The following LRRC4C variants were observed in gnomAD, a reference collection of about 807,000 sequenced individuals.
The protein encoded by LRRC4C is leucine rich repeat containing 4C, also known as leucine-rich repeat-containing protein 4C.
In LRRC4C, 5 loss-of-function variants were observed where a neutral mutation model predicts 33.6. The observed-to-expected ratio is 0.15, with a 90% CI of 0.08 to 0.31. The LOEUF is 0.31. Ranked by LOEUF, LRRC4C falls within the 10% of genes least tolerant of loss-of-function variation. The pLI, the probability that LRRC4C is intolerant of heterozygous loss-of-function variation, is 1.00. For synonymous variants in LRRC4C, 329 were observed against 302.0 expected (o/e 1.09, Z -0.93); for missense variants, 560 against 796.7 (o/e 0.70, Z 3.58).
At chr11:40,679,003 A>G (rs536797512) in intron 2 of LRRC4C, among the ~76,000 whole-genome samples, 192 of 152,314 alleles carry the variant, frequency 1.3e-3, no homozygotes, top group African/African-American at 3.9e-3. Context: ...ACACTTGTTG[A>G]ATGGCTTTGA....
Position 40,991,026 on chromosome 11 carries a change from A to G in LRRC4C, c.-495-57303T>C, listed in dbSNP as rs565639653. 5.5e-4 allele frequency among the ~76,000 whole-genome samples: 83 copies of G among 151,714 alleles called. 1 individual carries two copies. Among genetic ancestry groups the G allele is most frequent in the Non-Finnish European group, 6.8e-4 (46 of 67,920 alleles). ...ATTGATATAGCAACTATGGTTTTTC[A>G]GAAATGGCTACCAACAGTCATTTTC... On this transcript the variant is annotated intron_variant, in intron 1 of 6. Coordinates refer to ENST00000528697, the MANE Select transcript of LRRC4C (RefSeq NM_001258419.2).
intron 1 of LRRC4C, among the ~76,000 whole-genome samples, chr11:41,069,422 C>A (rs1172598692): frequency 6.6e-6 from 1 of 152,080 alleles, no homozygotes; most frequent in East Asian, 1.9e-4. Context: ...CTGGCCAGGG[C>A]AATCAGGCAA....
chr11:40,170,227 AT>A (rs1245216924), intron 5 of LRRC4C, among the ~76,000 whole-genome samples: 1 of 152,184 alleles, frequency 6.6e-6, no homozygotes, highest in Non-Finnish European at 1.5e-5. Context: ...ACATAAAAGC[AT>A]TTTACCTAAT....
At chr11:40,988,780 G>A (rs140949300) in intron 1 of LRRC4C, among the ~76,000 whole-genome samples, 2 of 144,622 alleles carry the variant, frequency 1.4e-5, no homozygotes, top group Non-Finnish European at 3.0e-5. Context: ...GCAGTGGGGA[G>A]ATCTCGGCCC....
chr11:41,217,777 C>A (rs759336223), intron 1 of LRRC4C, among the ~76,000 whole-genome samples: 27 of 151,984 alleles, frequency 1.8e-4, no homozygotes, highest in Admixed American at 4.6e-4. Flanking sequence ...ATGTTAAAGA[C>A]CCTGACTTCA....
At chr11:40,270,299 C>T (rs1282424181) in intron 4 of LRRC4C, among the ~76,000 whole-genome samples, 2 of 152,000 alleles carry the variant, frequency 1.3e-5, no homozygotes, top group Non-Finnish European at 2.9e-5. Flanking sequence ...ATTAAGGTGT[C>T]GGCAGGTTTG....
intron 1 of LRRC4C, among the ~76,000 whole-genome samples, chr11:41,213,364 AC>A (rs1180915750): frequency 6.6e-6 from 1 of 152,174 alleles, no homozygotes; most frequent in Non-Finnish European, 1.5e-5. Flanking sequence ...CCACCTGGGG[AC>A]CTTTTCTCAG....
chr11:41,176,211 A>G (rs1326141509), intron 1 of LRRC4C, among the ~76,000 whole-genome samples: 1 of 152,194 alleles, frequency 6.6e-6, no homozygotes, highest in Admixed American at 6.5e-5. Context: ...TTTCTTCACC[A>G]GTTAATTTAT....
rs2137211855 is a variant in LRRC4C at position 41,314,609 on chromosome 11, T to C, written c.-496+144822A>G. Reference sequence around the variant, plus strand: ...GTGGGAATTGAACAATGAGATCACTTGGACACAGGGCAGGGAACATCACAC... The same window carrying C: ...GTGGGAATTGAACAATGAGATCACTCGGACACAGGGCAGGGAACATCACAC... On this transcript the variant is annotated intron_variant, in intron 1 of 6. Coordinates refer to ENST00000528697, the MANE Select transcript of LRRC4C (RefSeq NM_001258419.2). Among the ~76,000 whole-genome samples, 2 of 152,218 alleles carry C rather than the reference T, an allele frequency of 1.3e-5. 1 individual carries two copies. The highest frequency in any genetic ancestry group is 4.1e-4 in the South Asian group (2 of 4,824).
At chr11:40,834,852 G>A (rs1475497632) in intron 2 of LRRC4C, among the ~76,000 whole-genome samples, 1 of 148,606 alleles carries the variant, frequency 6.7e-6, no homozygotes, top group Non-Finnish European at 1.5e-5. Context: ...CTGAGAAAGA[G>A]GCTTAGCAAA....
chr11:40,131,227 A>G (rs1271658882), intron 6 of LRRC4C, among the ~76,000 whole-genome samples: 1 of 152,210 alleles, frequency 6.6e-6, no homozygotes, highest in Non-Finnish European at 1.5e-5. Flanking sequence ...GTCCATTGCT[A>G]AGACTTATAT....
chr11:40,469,326 CG>C (rs930924328), intron 3 of LRRC4C, among the ~76,000 whole-genome samples: 2 of 152,128 alleles, frequency 1.3e-5, no homozygotes, highest in African/African-American at 4.8e-5. Flanking sequence ...GGGACCATGC[CG>C]TGAGGAATGG....
intron 3 of LRRC4C, among the ~76,000 whole-genome samples, chr11:40,365,311 T>C (rs1364904502): frequency 6.6e-6 from 1 of 152,224 alleles, no homozygotes; most frequent in East Asian, 1.9e-4. Flanking sequence ...TGGTTTCATC[T>C]CTTGATAGGA....
chr11:40,463,468 CT>C (rs1366059776), intron 3 of LRRC4C, among the ~76,000 whole-genome samples: 1 of 151,882 alleles, frequency 6.6e-6, no homozygotes, highest in Non-Finnish European at 1.5e-5. Flanking sequence ...AGAAAGTGGT[CT>C]TCTCAAAATT....
chr11:40,574,096 T>C (rs1958086945), intron 3 of LRRC4C, among the ~76,000 whole-genome samples: 1 of 152,170 alleles, frequency 6.6e-6, no homozygotes, highest in African/African-American at 2.4e-5. Context: ...ATAAAATATA[T>C]TTTTTACACC....
intron 1 of LRRC4C, among the ~76,000 whole-genome samples, chr11:41,079,900 T>TA (rs1257545269): frequency 6.6e-6 from 1 of 152,180 alleles, no homozygotes; most frequent in Non-Finnish European, 1.5e-5. Context: ...ATCCCTGCTT[T>TA]AGAGATACCA....
intron 2 of LRRC4C, among the ~76,000 whole-genome samples, chr11:40,750,899 C>T (rs1948660707): frequency 6.6e-6 from 1 of 151,672 alleles, no homozygotes; most frequent in Non-Finnish European, 1.5e-5. Flanking sequence ...AAATTTACAG[C>T]ACATCGAAAA....
At chr11:40,508,419 A>C (rs1193234509) in intron 3 of LRRC4C, among the ~76,000 whole-genome samples, 1 of 152,188 alleles carries the variant, frequency 6.6e-6, no homozygotes, top group African/African-American at 2.4e-5. Flanking sequence ...CATAGCATTT[A>C]TAATGTAGTA....
At chr11:40,478,862 G>A (rs1340896932) in intron 3 of LRRC4C, among the ~76,000 whole-genome samples, 1 of 152,118 alleles carries the variant, frequency 6.6e-6, no homozygotes, top group African/African-American at 2.4e-5. Context: ...ATCTGCATTA[G>A]GAGGTTTTTG....
Sources: gnomAD v4.1 joint callset for allele counts (sites outside exome capture counted in the v4.1 genomes callset) on GRCh38, gnomAD v4.1.1 for gene constraint, MANE v1.5 for transcripts, NCBI Gene and HGNC (gene_info 2026-07-23, HGNC 2026-07-21) for gene names.